The following DNTT variants were observed in gnomAD, a reference collection of about 807,000 sequenced individuals.
DNTT encodes the protein DNA nucleotidylexotransferase.
Under a neutral mutation model 60.9 loss-of-function variants are expected in DNTT, and 47 were observed. The ratio of observed to expected loss-of-function variants is 0.77; its 90% CI spans 0.61 to 0.98. DNTT has a LOEUF of 0.98. Among genes scored for constraint, DNTT ranks in the 50% least tolerant of loss-of-function variants. The pLI is 0.00. For missense variants in DNTT, 665 were observed against 627.5 expected (o/e 1.06, Z -0.64); for synonymous variants, 224 against 221.2 (o/e 1.01, Z -0.11).
intron 1 of DNTT, among the ~76,000 whole-genome samples, chr10:96,305,467 A>G (rs571461223): frequency 1.3e-5 from 2 of 152,318 alleles, no homozygotes; most frequent in South Asian, 4.1e-4. Context: ...CAAATAGATG[A>G]AGAGAAAACA....
At chr10:96,328,890 G>A in intron 8 of DNTT, 60 bp downstream of exon 8, 4 of 1,512,438 alleles carry the variant, frequency 2.6e-6, no homozygotes, top group Non-Finnish European at 2.7e-6. Context: ...CTTGAATTTT[G>A]CACATTACTT....
chr10:96,320,682 T>C lies in DNTT; in HGVS notation c.572T>C (p.Phe191Ser), dbSNP rs780285642. ...FRENEDSCVTFMRAASVLKSL... is the reference protein window; with the variant it reads ...FRENEDSCVTSMRAASVLKSL... ...GAAAATGAAGACTCCTGTGTGACATTTATGAGAGCAGCTTCTGTATTGAAA... is the reference window on the plus strand; with the variant it reads ...GAAAATGAAGACTCCTGTGTGACATCTATGAGAGCAGCTTCTGTATTGAAA... Residue 191 changes from phenylalanine (F) to serine (S), a missense_variant, in exon 4 of 11, where the codon TTT becomes TCT. Phe to Ser is a radical substitution (Grantham distance 155, BLOSUM62 -2). Coordinates refer to ENST00000371174, the MANE Select transcript of DNTT (RefSeq NM_004088.4). 1 of 1,613,864 alleles carries C rather than the reference T, an allele frequency of 6.2e-7. No individual in the cohort carries two copies. The highest frequency in any genetic ancestry group is 1.3e-5 in the African/African-American group (1 of 75,016).
intron 9 of DNTT, among the ~76,000 whole-genome samples, chr10:96,335,649 G>A (rs1346492726): frequency 6.6e-6 from 1 of 152,202 alleles, no homozygotes; most frequent in African/African-American, 2.4e-5. Context: ...CTACATGCGA[G>A]GCACTATTTG....
At chr10:96,306,927 G>T (rs1421939428) in intron 1 of DNTT, among the ~76,000 whole-genome samples, 1 of 152,220 alleles carries the variant, frequency 6.6e-6, no homozygotes, top group Non-Finnish European at 1.5e-5. Flanking sequence ...AAAAATTATT[G>T]TAGGGGACAA....
chr10:96,332,423 G>A lies in DNTT; in HGVS notation c.1186G>A (p.Ala396Thr), dbSNP rs752871188. ...KLRLPSRKVDALDHFQKCFLI... is the reference protein window; with the variant it reads ...KLRLPSRKVDTLDHFQKCFLI... ...CAGGTTGCCTAGCAGGAAGGTTGAT[G>A]CTTTGGATCATTTTCAAAAGTGCTT... is the stretch of plus-strand genomic sequence containing the variant. Residue 396 changes from alanine to threonine, a missense_variant, in exon 9 of 11, where the codon GCT becomes ACT. By Grantham distance (58) the Ala-to-Thr change is moderately conservative. Coordinates refer to ENST00000371174, the MANE Select transcript of DNTT (RefSeq NM_004088.4). 1.2e-6 allele frequency: 2 copies of A among 1,614,070 alleles called. No individual in the cohort carries two copies. Among genetic ancestry groups the A allele is most frequent in the African/African-American group, 2.7e-5 (2 of 74,936 alleles).
intron 8 of DNTT, among the ~76,000 whole-genome samples, chr10:96,330,820 G>A (rs982179231): frequency 5.9e-5 from 9 of 152,020 alleles, no homozygotes; most frequent in Non-Finnish European, 4.4e-5. Flanking sequence ...CATCACTCTG[G>A]GGACAGAGCC....
chr10:96,327,391 A>G (rs559760503), intron 6 of DNTT, 77 bp from the exon 7 acceptor site: 1 of 1,601,916 alleles, frequency 6.2e-7, no homozygotes, highest in Non-Finnish European at 8.6e-7. Context: ...TCGTGGGGAC[A>G]GAATCCCCTT....
At chr10:96,336,674 C>T (rs1377346613) in intron 10 of DNTT, among the ~76,000 whole-genome samples, 1 of 152,162 alleles carries the variant, frequency 6.6e-6, no homozygotes, top group Non-Finnish European at 1.5e-5. Flanking sequence ...TGGCCAGGCG[C>T]AGTGGCTCAC....
intron 6 of DNTT, among the ~76,000 whole-genome samples, chr10:96,326,348 T>C (rs565101285): frequency 4.6e-4 from 70 of 152,292 alleles, no homozygotes; most frequent in African/African-American, 1.3e-3. Flanking sequence ...AAGTATCATA[T>C]TGAAATAAAG....
At chr10:96,317,241 G>T (rs1456131063) in intron 1 of DNTT, among the ~76,000 whole-genome samples, 1 of 152,192 alleles carries the variant, frequency 6.6e-6, no homozygotes, top group East Asian at 1.9e-4. Context: ...TACCAGCTGT[G>T]TGACTTTTAG....
intron 1 of DNTT, among the ~76,000 whole-genome samples, chr10:96,315,570 A>G (rs557546636): frequency 1.3e-5 from 2 of 152,222 alleles, no homozygotes; most frequent in South Asian, 2.1e-4. Flanking sequence ...CTCACCCAAC[A>G]ATGTGAGCGC....
At chr10:96,330,706 C>T (rs998910795) in intron 8 of DNTT, among the ~76,000 whole-genome samples, 11 of 152,052 alleles carry the variant, frequency 7.2e-5, no homozygotes, top group African/African-American at 2.7e-4. Flanking sequence ...AGCATGATTC[C>T]TAACAATAAT....
Position 96,318,422 on chromosome 10 carries a change from A to G in DNTT, c.274A>G (p.Lys92Glu), listed in dbSNP as rs1208209356. The change falls in exon 2 of 11, where the codon AAA becomes GAA. Residue 92 changes from lysine (K) to glutamate (E), a missense_variant. Transcript: ENST00000371174. The stretch of plus-strand genomic sequence containing the variant: ...TGTTCTGGAGTGGCTTCAAGCACAG[A>G]AAGTACAAGTCAGCTCACAACCAGA... ...SDVLEWLQAQ[K>E]VQVSSQPELL... The G allele has an allele frequency of 1.2e-6, 2 of 1,613,718 alleles. No homozygotes were observed. Among genetic ancestry groups the G allele is most frequent in the Admixed American group, 3.3e-5 (2 of 59,988 alleles).
chr10:96,318,443 C>T lies in DNTT; in HGVS notation c.295C>T (p.Pro99Ser), dbSNP rs1420455956. 2 of 1,613,918 alleles carry T rather than the reference C, an allele frequency of 1.2e-6. No individual in the cohort carries two copies. Among genetic ancestry groups the T allele is most frequent in the Non-Finnish European group, 1.7e-6 (2 of 1,179,852 alleles). ...ACAGAAAGTACAAGTCAGCTCACAA[C>T]CAGAGCTCCTCGATGTCTCCTGGCT... ...QAQKVQVSSQ[P>S]ELLDVSWLIE... Residue 99 changes from proline to serine, a missense_variant, in exon 2 of 11, where the codon CCA (proline) becomes TCA (serine). Physicochemically the swap from Pro to Ser is moderately conservative, Grantham distance 74 (BLOSUM62 -1). Coordinates refer to ENST00000371174, the MANE Select transcript of DNTT (RefSeq NM_004088.4).
chr10:96,304,484 A>T lies in DNTT; in HGVS notation c.-14A>T. 1 of 1,613,028 alleles carries T rather than the reference A, an allele frequency of 6.2e-7. No individual in the cohort carries two copies. On this transcript the variant is annotated 5_prime_UTR_variant, in exon 1 of 11. Transcript: ENST00000371174. ...ACCAGATGGGCCAGCCAGAGGCAGC[A>T]GCAGCCTCTTCCCATGGATCCACCA...
chr10:96,307,841 G>A (rs1026868758), intron 1 of DNTT, among the ~76,000 whole-genome samples: 27 of 145,840 alleles, frequency 1.9e-4, no homozygotes, highest in Non-Finnish European at 3.1e-4. Context: ...GTGCCATCTC[G>A]GCTCACTGCA....
chr10:96,313,920 A>C (rs1221009212), intron 1 of DNTT, among the ~76,000 whole-genome samples: 1 of 152,176 alleles, frequency 6.6e-6, no homozygotes, highest in Non-Finnish European at 1.5e-5. Flanking sequence ...CCCCCTTGAC[A>C]CGTCCATCTC....
intron 8 of DNTT, among the ~76,000 whole-genome samples, chr10:96,329,075 G>T (rs1420209719): frequency 6.6e-6 from 1 of 152,238 alleles, no homozygotes; most frequent in African/African-American, 2.4e-5. Flanking sequence ...GCCAAGGGTG[G>T]CTATGCATTT....
At chr10:96,311,797 C>A (rs1844721831) in intron 1 of DNTT, among the ~76,000 whole-genome samples, 1 of 152,130 alleles carries the variant, frequency 6.6e-6, no homozygotes, top group South Asian at 2.1e-4. Context: ...GCACGTGCCA[C>A]CACACCCAGC....
Sources: gnomAD v4.1 joint callset for allele counts (sites outside exome capture counted in the v4.1 genomes callset) on GRCh38, gnomAD v4.1.1 for gene constraint, MANE v1.5 for transcripts, NCBI Gene and HGNC (gene_info 2026-07-23, HGNC 2026-07-21) for gene names.